The following SLC5A3 variants were observed in gnomAD, a reference collection of about 807,000 sequenced individuals.
The protein encoded by SLC5A3 is sodium/myo-inositol cotransporter.
Under a neutral mutation model 43.2 loss-of-function variants are expected in SLC5A3, and 10 were observed. That is an observed-to-expected ratio of 0.23 (90% CI 0.14 to 0.39). SLC5A3 has a LOEUF of 0.39. SLC5A3 is among the 10% of genes least tolerant of loss of function. The pLI, the probability that SLC5A3 is intolerant of heterozygous loss-of-function variation, is 1.00. For missense variants in SLC5A3, 608 were observed against 893.4 expected (o/e 0.68, Z 4.07); for synonymous variants, 349 against 322.0 (o/e 1.08, Z -0.90).
intron 1 of SLC5A3, among the ~76,000 whole-genome samples, chr21:34,079,228 A>G (rs1284261782): frequency 6.6e-6 from 1 of 152,238 alleles, no homozygotes; most frequent in African/African-American, 2.4e-5. Context: ...CTTGAATTTC[A>G]TAAAACTTTC....
intron 1 of SLC5A3, among the ~76,000 whole-genome samples, chr21:34,076,009 G>A (rs1396421947): frequency 2.6e-5 from 4 of 152,152 alleles, no homozygotes; most frequent in African/African-American, 4.8e-5. Context: ...TCAAAGTTGC[G>A]TATCTTCCAC....
chr21:34,076,338 A>G (rs1355647833), intron 1 of SLC5A3, among the ~76,000 whole-genome samples: 3 of 152,312 alleles, frequency 2.0e-5, no homozygotes, highest in East Asian at 3.9e-4. Flanking sequence ...TTTAAAATTT[A>G]AAATACAGGC....
In SLC5A3 at chr21:34,099,343, C is replaced by T; in HGVS notation, c.*1988C>T. On this transcript the variant is annotated 3_prime_UTR_variant, in exon 2 of 2. Coordinates refer to ENST00000381151, the MANE Select transcript of SLC5A3 (RefSeq NM_006933.7). ...CAGAAACCAGGTCTCCAAATCTGGA[C>T]TCATGGTTTGTTCAGATGTGTCTGG... The T allele has an allele frequency of 1.0e-6, 1 of 1,000,164 alleles. No homozygotes were observed. Among genetic ancestry groups the T allele is most frequent in the South Asian group, 4.7e-5 (1 of 21,286 alleles). The allele number at this position is 1,000,164 out of a possible 1,614,324, so 62.0% of individuals were successfully genotyped here. A position where few individuals can be genotyped will look rare whatever the true frequency, so the allele number is the denominator to read the frequency against.
Position 34,103,073 on chromosome 21 carries a change from C to T in SLC5A3, c.*5718C>T. ...CTGTAAGTGGAATGTTCATTAGTAACTCATCTTTTTGTTGTTATAATTGGA... is the reference window on the plus strand; with the variant it reads ...CTGTAAGTGGAATGTTCATTAGTAATTCATCTTTTTGTTGTTATAATTGGA... On this transcript the variant is annotated 3_prime_UTR_variant, in exon 2 of 2. Transcript: ENST00000381151. 2.0e-6 allele frequency: 2 copies of T among 1,000,028 alleles called. No homozygotes were observed. The highest frequency in any genetic ancestry group is 2.4e-6 in the Non-Finnish European group (2 of 829,892). The allele number at this position is 1,000,028 out of a possible 1,614,324, so 61.9% of individuals were successfully genotyped here. A position where few individuals can be genotyped will look rare whatever the true frequency, so the allele number is the denominator to read the frequency against.
At chr21:34,076,978 A>G (rs1602899529) in intron 1 of SLC5A3, among the ~76,000 whole-genome samples, 1 of 152,226 alleles carries the variant, frequency 6.6e-6, no homozygotes, top group African/African-American at 2.4e-5. Flanking sequence ...GCCTCATTTC[A>G]GTGTGAGGAA....
In SLC5A3 at chr21:34,104,694, G is replaced by C; in HGVS notation, c.*7339G>C. Reference sequence around the variant, plus strand: ...TTTGAGAATATCAAACCTCAGGCCTGGGGGGATGAGGGGAAGAAGATTACC... The same window carrying C: ...TTTGAGAATATCAAACCTCAGGCCTCGGGGGATGAGGGGAAGAAGATTACC... On this transcript the variant is annotated 3_prime_UTR_variant, in exon 2 of 2. Transcript: ENST00000381151. The C allele has an allele frequency of 1.0e-6, 1 of 1,000,078 alleles. No individual in the cohort carries two copies. The highest frequency in any genetic ancestry group is 1.2e-6 in the Non-Finnish European group (1 of 829,832). 62.0% of individuals were successfully genotyped at this position (1,000,078 alleles called of 1,614,324 possible).
intron 1 of SLC5A3, among the ~76,000 whole-genome samples, chr21:34,093,214 G>A (rs1978795712): frequency 1.3e-5 from 2 of 151,302 alleles, no homozygotes; most frequent in African/African-American, 4.9e-5. Context: ...CAGGTATGAA[G>A]TGATACAAAC....
In SLC5A3 at chr21:34,100,755, G is replaced by T; in HGVS notation, c.*3400G>T. 3 of 1,000,186 alleles carry T rather than the reference G, an allele frequency of 3.0e-6. No individual in the cohort carries two copies. The highest frequency in any genetic ancestry group is 3.6e-6 in the Non-Finnish European group (3 of 829,922). 62.0% of individuals were successfully genotyped at this position (1,000,186 alleles called of 1,614,324 possible). A position where few individuals can be genotyped will look rare whatever the true frequency, so the allele number is the denominator to read the frequency against. On this transcript the variant is annotated 3_prime_UTR_variant, in exon 2 of 2. Transcript: ENST00000381151. ...CCAATAGAGTGTGTCTGTATTCGCA[G>T]TCCATGGCTCATTTTCTTTATAGTA...
intron 1 of SLC5A3, among the ~76,000 whole-genome samples, chr21:34,074,958 C>G (rs1352360444): frequency 6.6e-6 from 1 of 152,228 alleles, no homozygotes; most frequent in African/African-American, 2.4e-5. Flanking sequence ...CCTGGCCAGG[C>G]ATGCCATTGT....
In SLC5A3 at chr21:34,099,417, T is replaced by G. The variant is rs56896967; in HGVS notation, c.*2062T>G. On this transcript the variant is annotated 3_prime_UTR_variant, in exon 2 of 2. Coordinates refer to ENST00000381151, the MANE Select transcript of SLC5A3 (RefSeq NM_006933.7). The stretch of plus-strand genomic sequence containing the variant: ...CCTGTTTTTTCAAAGGAACTGTTCT[T>G]CCTTTGGGACAACCTTTTGGTGTTT... 0.014 allele frequency: 14,418 copies of G among 1,000,198 alleles called. 292 individuals are homozygous for G. The highest frequency in any genetic ancestry group is 0.1 in the South Asian group (2,153 of 21,286). 62.0% of individuals were successfully genotyped at this position (1,000,198 alleles called of 1,614,324 possible).
In SLC5A3 at chr21:34,099,605, T is replaced by A; in HGVS notation, c.*2250T>A. 3 of 998,716 alleles carry A rather than the reference T, an allele frequency of 3.0e-6. No homozygotes were observed. Among genetic ancestry groups the A allele is most frequent in the Non-Finnish European group, 3.6e-6 (3 of 829,440 alleles). The allele number at this position is 998,716 out of a possible 1,614,324, so 61.9% of individuals were successfully genotyped here. ...TAAATGAATAGGAGGTGTTTGTGAT[T>A]TTTTTTTTCTCCCTTTATTTAACAT... On this transcript the variant is annotated 3_prime_UTR_variant, in exon 2 of 2. Coordinates refer to ENST00000381151, the MANE Select transcript of SLC5A3 (RefSeq NM_006933.7).
rs1979371379 is a variant in SLC5A3 at position 34,104,146 on chromosome 21, G to C, written c.*6791G>C. The C allele has an allele frequency of 1.0e-6, 1 of 999,746 alleles. No individual in the cohort carries two copies. Among genetic ancestry groups the C allele is most frequent in the Non-Finnish European group, 1.2e-6 (1 of 829,886 alleles). The allele number at this position is 999,746 out of a possible 1,614,324, so 61.9% of individuals were successfully genotyped here. A position where few individuals can be genotyped will look rare whatever the true frequency, so the allele number is the denominator to read the frequency against. ...CTTTATTTTTTTCCTATACTTGACTGTGCTTCATTTTAATAAAGGATAATT... is the reference window on the plus strand; with the variant it reads ...CTTTATTTTTTTCCTATACTTGACTCTGCTTCATTTTAATAAAGGATAATT... On this transcript the variant is annotated 3_prime_UTR_variant, in exon 2 of 2. Transcript: ENST00000381151.
In SLC5A3 at chr21:34,098,541, G is replaced by A. The variant is rs537892518; in HGVS notation, c.*1186G>A. On this transcript the variant is annotated 3_prime_UTR_variant, in exon 2 of 2. Transcript: ENST00000381151. ...TTGTAGTGACTTAGAGCATAAGGAT[G>A]TTTCAGTGCAAACTGGCCGTCGGTA... 1 of 1,000,236 alleles carries A rather than the reference G, an allele frequency of 1.0e-6. No individual in the cohort carries two copies. Among genetic ancestry groups the A allele is most frequent in the South Asian group, 4.7e-5 (1 of 21,282 alleles). The allele number at this position is 1,000,236 out of a possible 1,614,324, so 62.0% of individuals were successfully genotyped here.
At chr21:34,077,937 G>A (rs1989372828) in intron 1 of SLC5A3, among the ~76,000 whole-genome samples, 1 of 152,210 alleles carries the variant, frequency 6.6e-6, no homozygotes, top group South Asian at 2.1e-4. Flanking sequence ...AAGTTAGGAT[G>A]TTCTGAAAGT....
At position 34,099,027 on chromosome 21, in the gene SLC5A3, T is replaced by C. The variant is rs541339426; in HGVS notation, c.*1672T>C. The C allele has an allele frequency of 1.0e-6, 1 of 992,936 alleles. No individual in the cohort carries two copies. The highest frequency in any genetic ancestry group is 1.8e-5 in the African/African-American group (1 of 57,100). The allele number at this position is 992,936 out of a possible 1,614,324, so 61.5% of individuals were successfully genotyped here. On this transcript the variant is annotated 3_prime_UTR_variant, in exon 2 of 2. Coordinates refer to ENST00000381151, the MANE Select transcript of SLC5A3 (RefSeq NM_006933.7). Reference sequence around the variant, plus strand: ...TTTTTTTGTAGTCTATAAACTAGTTTCATTATGATGGACTTGATTAGTCCA... The same window carrying C: ...TTTTTTTGTAGTCTATAAACTAGTTCCATTATGATGGACTTGATTAGTCCA...
chr21:34,077,367 A>G (rs1285794092), intron 1 of SLC5A3, among the ~76,000 whole-genome samples: 1 of 152,222 alleles, frequency 6.6e-6, no homozygotes, highest in African/African-American at 2.4e-5. Flanking sequence ...TTTTGTGGTT[A>G]CTTTAGGAAC....
At position 34,099,021 on chromosome 21, in the gene SLC5A3, C is replaced by G. The variant is rs1979106426; in HGVS notation, c.*1666C>G. 2 of 990,568 alleles carry G rather than the reference C, an allele frequency of 2.0e-6. No individual in the cohort carries two copies. Among genetic ancestry groups the G allele is most frequent in the South Asian group, 9.5e-5 (2 of 21,108 alleles). The allele number at this position is 990,568 out of a possible 1,614,324, so 61.4% of individuals were successfully genotyped here. A position where few individuals can be genotyped will look rare whatever the true frequency, so the allele number is the denominator to read the frequency against. ...TTTTAATTTTTTTGTAGTCTATAAA[C>G]TAGTTTCATTATGATGGACTTGATT... On this transcript the variant is annotated 3_prime_UTR_variant, in exon 2 of 2. Transcript: ENST00000381151.
chr21:34,102,728 T>C lies in SLC5A3; in HGVS notation c.*5373T>C. ...AGCAAATCAAGACAAAACACAGTGG[T>C]CTCAGATTTTTCGTAGTGTGGGAAC... On this transcript the variant is annotated 3_prime_UTR_variant, in exon 2 of 2. Transcript: ENST00000381151. 1.8e-5 allele frequency: 18 copies of C among 1,000,146 alleles called. No individual in the cohort carries two copies. The highest frequency in any genetic ancestry group is 2.0e-5 in the Non-Finnish European group (17 of 829,902). The allele number at this position is 1,000,146 out of a possible 1,614,324, so 62.0% of individuals were successfully genotyped here.
At chr21:34,075,277 A>G (rs1333111922) in intron 1 of SLC5A3, among the ~76,000 whole-genome samples, 2 of 152,234 alleles carry the variant, frequency 1.3e-5, no homozygotes, top group East Asian at 1.9e-4. Flanking sequence ...CCTGTAGGCA[A>G]TAATATTTGC....
Sources: allele counts gnomAD v4.1 joint callset (sites outside exome capture counted in the v4.1 genomes callset), GRCh38; gene constraint gnomAD v4.1.1; transcripts MANE v1.5; gene names NCBI Gene and HGNC (gene_info 2026-07-23, HGNC 2026-07-21).